EVI5: variants seen among roughly 807,000 people sequenced by gnomAD.
The protein encoded by EVI5 is ecotropic viral integration site 5 protein homolog.
In EVI5, 73 loss-of-function variants were observed where a neutral mutation model predicts 112.0. That is an observed-to-expected ratio of 0.65 (90% CI 0.54 to 0.79). The LOEUF (loss-of-function observed/expected upper bound fraction) is 0.79, where lower values mean the gene tolerates loss of function less well. EVI5 is among the 30% of genes least tolerant of loss of function. The pLI is 0.00. For synonymous variants in EVI5, 305 were observed against 319.9 expected (o/e 0.95, Z 0.50); for missense variants, 900 against 968.8 (o/e 0.93, Z 0.94).
intron 19 of EVI5, among the ~76,000 whole-genome samples, chr1:92,540,999 G>A (rs572670443): frequency 1.1e-4 from 16 of 152,110 alleles, no homozygotes; most frequent in Non-Finnish European, 1.9e-4. Flanking sequence ...GCTTGGCCCC[G>A]GGAGGCGGAG....
intron 19 of EVI5, among the ~76,000 whole-genome samples, chr1:92,516,344 C>G (rs1659866800): frequency 6.6e-6 from 1 of 152,192 alleles, no homozygotes. Context: ...AATTAAAACA[C>G]TGCAGCCTCA....
At chr1:92,792,269 C>T in intron 1 of EVI5, 1 of 956,028 alleles carries the variant, frequency 1.0e-6, no homozygotes, top group Non-Finnish European at 1.7e-6. Context: ...AACTCAATAA[C>T]AAATTACTTT....
intron 19 of EVI5, among the ~76,000 whole-genome samples, chr1:92,547,646 A>C (rs1286825281): frequency 6.6e-6 from 1 of 152,226 alleles, no homozygotes; most frequent in African/African-American, 2.4e-5. Flanking sequence ...TAGACACAAT[A>C]AAAAATGATA....
intron 13 of EVI5, among the ~76,000 whole-genome samples, chr1:92,639,757 GA>G (rs1403453020): frequency 2.6e-5 from 4 of 152,020 alleles, no homozygotes; most frequent in Admixed American, 6.6e-5. Context: ...CACAGAATTA[GA>G]AAAAAACTAC....
chr1:92,533,091 A>C (rs1663179737), intron 19 of EVI5, among the ~76,000 whole-genome samples: 1 of 152,128 alleles, frequency 6.6e-6, no homozygotes, highest in Admixed American at 6.5e-5. Flanking sequence ...GTGCAATAAA[A>C]AAAATGATAA....
At chr1:92,516,382 C>T (rs1659874776) in intron 19 of EVI5, among the ~76,000 whole-genome samples, 1 of 152,196 alleles carries the variant, frequency 6.6e-6, no homozygotes, top group East Asian at 1.9e-4. Context: ...AGAAAATTAA[C>T]TATAGGTTGA....
intron 13 of EVI5, among the ~76,000 whole-genome samples, chr1:92,657,872 G>A (rs1357812788): frequency 6.6e-6 from 1 of 152,110 alleles, no homozygotes; most frequent in Non-Finnish European, 1.5e-5. Context: ...AGTGAGAGTG[G>A]GAGCAAGAGA....
intron 19 of EVI5, among the ~76,000 whole-genome samples, chr1:92,536,520 G>T (rs1040908134): frequency 1.3e-5 from 2 of 152,144 alleles, no homozygotes; most frequent in African/African-American, 4.8e-5. Flanking sequence ...AAATTCTACA[G>T]CAGGGATAAC....
chr1:92,599,537 T>C (rs778538503), intron 18 of EVI5, among the ~76,000 whole-genome samples: 8 of 152,082 alleles, frequency 5.3e-5, no homozygotes, highest in Non-Finnish European at 1.0e-4. Context: ...TATATCTATA[T>C]TTATATAGAC....
At chr1:92,571,432 T>C (rs1278135254) in intron 18 of EVI5, among the ~76,000 whole-genome samples, 1 of 151,938 alleles carries the variant, frequency 6.6e-6, no homozygotes, top group East Asian at 1.9e-4. Flanking sequence ...AAAACAGAAG[T>C]AAAAAGTGAG....
chr1:92,678,304 G>A lies in EVI5; in HGVS notation c.1098-1086C>T, dbSNP rs572066121. Among the ~76,000 whole-genome samples, 363 of 152,286 alleles carry A rather than the reference G, an allele frequency of 2.4e-3. 1 individual carries two copies. Among genetic ancestry groups the A allele is most frequent in the Non-Finnish European group, 4.5e-3 (303 of 68,018 alleles). ...CCAGCACTTTGGGGGGCCAAGGGGG[G>A]CCAAGTGCTTGAGGCCAGGGGTTCA... is the stretch of plus-strand genomic sequence containing the variant. On this transcript the variant is annotated intron_variant, in intron 9 of 19. Transcript: ENST00000684568.
intron 14 of EVI5, among the ~76,000 whole-genome samples, chr1:92,634,562 T>C (rs1658305103): frequency 6.6e-6 from 1 of 152,194 alleles, no homozygotes; most frequent in South Asian, 2.1e-4. Flanking sequence ...GCATTGGTTA[T>C]TCTAGTTAAC....
intron 9 of EVI5, among the ~76,000 whole-genome samples, chr1:92,681,364 G>C (rs1667557876): frequency 6.6e-6 from 1 of 152,146 alleles, no homozygotes; most frequent in Non-Finnish European, 1.5e-5. Flanking sequence ...GCATACAGAG[G>C]AGAGAGGATA....
chr1:92,524,661 G>GA (rs1387567957), intron 19 of EVI5, among the ~76,000 whole-genome samples: 1 of 152,118 alleles, frequency 6.6e-6, no homozygotes, highest in Non-Finnish European at 1.5e-5. Flanking sequence ...GTGTTTGGGT[G>GA]AAACAGCATC....
chr1:92,619,238 G>C (rs926422828), intron 16 of EVI5, among the ~76,000 whole-genome samples: 1 of 152,118 alleles, frequency 6.6e-6, no homozygotes, highest in Admixed American at 6.6e-5. Context: ...TCAGCTGCCA[G>C]TGAATATAAA....
At chr1:92,566,966 C>T (rs1421145213) in intron 18 of EVI5, among the ~76,000 whole-genome samples, 1 of 152,028 alleles carries the variant, frequency 6.6e-6, no homozygotes, top group East Asian at 1.9e-4. Flanking sequence ...ACCACCATGC[C>T]TAGCTAATTT....
intron 13 of EVI5, among the ~76,000 whole-genome samples, chr1:92,637,134 T>C (rs1329414807): frequency 6.6e-6 from 1 of 152,152 alleles, no homozygotes; most frequent in African/African-American, 2.4e-5. Flanking sequence ...TCCCAGCACT[T>C]TGGGAGGCCG....
intron 1 of EVI5, 92 bp from the exon 2 acceptor site, chr1:92,736,719 A>T (rs943480408): frequency 1.2e-6 from 1 of 850,688 alleles, no homozygotes; most frequent in East Asian, 2.4e-5. Flanking sequence ...CTTAATAACC[A>T]TCATCAGAAT....
intron 5 of EVI5, 94 bp downstream of exon 5, chr1:92,702,047 C>T (rs893132547): frequency 8.2e-6 from 5 of 610,080 alleles, no homozygotes; most frequent in Admixed American, 3.6e-5. Context: ...TACCCATATC[C>T]ACTTACATTT....
Sources: allele counts gnomAD v4.1 joint callset (sites outside exome capture counted in the v4.1 genomes callset), GRCh38; gene constraint gnomAD v4.1.1; transcripts MANE v1.5; gene names NCBI Gene and HGNC (gene_info 2026-07-23, HGNC 2026-07-21).